The following APLP2 variants were observed in gnomAD, a reference collection of about 807,000 sequenced individuals.
The protein encoded by APLP2 is CDEI box-binding protein.
Under a neutral mutation model 89.9 loss-of-function variants are expected in APLP2, and 53 were observed. That is an observed-to-expected ratio of 0.59 (90% CI 0.47 to 0.74). The LOEUF is 0.74. Among genes scored for constraint, APLP2 ranks in the 30% least tolerant of loss-of-function variants. APLP2 has a pLI of 0.00. For missense variants in APLP2, 973 were observed against 975.9 expected, an observed-to-expected ratio of 1.00 and a Z score of 0.04; for synonymous variants, 372 against 348.6, an observed-to-expected ratio of 1.07 and a Z score of -0.75.
At chr11:130,129,702 T>G (rs1171958681) in intron 10 of APLP2, among the ~76,000 whole-genome samples, 1 of 152,192 alleles carries the variant, frequency 6.6e-6, no homozygotes, top group African/African-American at 2.4e-5. Context: ...CCGGTTAAAG[T>G]CTTCTCTCTT....
chr11:130,135,668 C>G lies in APLP2; in HGVS notation c.1790C>G (p.Pro597Arg). Residue 597 changes from proline (P) to arginine (R), a missense_variant, in exon 13 of 17, where the codon CCA (proline) becomes CGA (arginine). Physicochemically the swap from Pro to Arg is moderately radical, Grantham distance 103. Transcript: ENST00000338167. The stretch of plus-strand genomic sequence containing the variant: ...AGCTCTGAGGAGAGTGAGGAGATCC[C>G]ACCGTTCCACCCCTTCCACCCCTTC... ...RVSSEESEEI[P>R]PFHPFHPFPA... The G allele has an allele frequency of 5.0e-6, 8 of 1,614,138 alleles. No homozygotes were observed. Among genetic ancestry groups the G allele is most frequent in the Non-Finnish European group, 6.8e-6 (8 of 1,180,014 alleles).
chr11:130,123,177 A>G lies in APLP2; in HGVS notation c.923-435A>G, dbSNP rs1385383564. On this transcript the variant is annotated intron_variant, in intron 6 of 16. Coordinates refer to ENST00000338167, the MANE Select transcript of APLP2 (RefSeq NM_001142276.2). This position sits in a 1 kb window ranked among gnomAD's most constrained non-coding sequence, Gnocchi z 4.0. Reference sequence around the variant, plus strand: ...AAGTTTGTGATTTGCCTTAGAGAACATAAAAGTGGGAAACAATTGTCCGTT... The same window carrying G: ...AAGTTTGTGATTTGCCTTAGAGAACGTAAAAGTGGGAAACAATTGTCCGTT... Among the ~76,000 whole-genome samples, 2 of 152,200 alleles carry G rather than the reference A, an allele frequency of 1.3e-5. No individual in the cohort carries two copies. The highest frequency in any genetic ancestry group is 2.4e-5 in the African/African-American group (1 of 41,448).
intron 3 of APLP2, among the ~76,000 whole-genome samples, chr11:130,116,425 A>G (rs1949168739): frequency 6.6e-6 from 1 of 152,206 alleles, no homozygotes; most frequent in East Asian, 1.9e-4. Context: ...TTTTGATATT[A>G]ATAACACTAA....
intron 1 of APLP2, among the ~76,000 whole-genome samples, chr11:130,077,754 A>G (rs912856357): frequency 7.2e-5 from 11 of 152,242 alleles, no homozygotes; most frequent in African/African-American, 2.7e-4. Context: ...GGCTGTTATT[A>G]GAGTTGTAAC....
At chr11:130,086,011 A>G (rs1290080987) in intron 1 of APLP2, among the ~76,000 whole-genome samples, 2 of 152,206 alleles carry the variant, frequency 1.3e-5, no homozygotes, top group African/African-American at 4.8e-5. Flanking sequence ...ATTGGCGTAC[A>G]TGTAGATATG....
At chr11:130,140,056 G>T (rs957020839) in intron 13 of APLP2, among the ~76,000 whole-genome samples, 1 of 152,168 alleles carries the variant, frequency 6.6e-6, no homozygotes, top group Non-Finnish European at 1.5e-5. Context: ...TTTCTCCTAC[G>T]ATGGTGTGTA....
intron 1 of APLP2, among the ~76,000 whole-genome samples, chr11:130,106,773 C>G (rs1430492432): frequency 6.6e-6 from 1 of 152,084 alleles, no homozygotes; most frequent in Non-Finnish European, 1.5e-5. Flanking sequence ...ACTGCAACCT[C>G]TGCCTCCCGG....
At chr11:130,077,612 TA>T (rs573298331) in intron 1 of APLP2, among the ~76,000 whole-genome samples, 21 of 144,992 alleles carry the variant, frequency 1.4e-4, no homozygotes, top group Admixed American at 2.1e-4. Flanking sequence ...GTTTTAGCCT[TA>T]AAAAAAAAAA....
chr11:130,082,372 CG>C (rs199647566), intron 1 of APLP2: 7,705 of 152,224 alleles, frequency 0.051, 522 homozygotes, highest in East Asian at 0.24. Context: ...TTAGTAGAGA[CG>C]GGGTTTCACC....
chr11:130,073,894 A>G (rs1941626021), intron 1 of APLP2, among the ~76,000 whole-genome samples: 1 of 152,090 alleles, frequency 6.6e-6, no homozygotes, highest in African/African-American at 2.4e-5. Flanking sequence ...AAATTGTACA[A>G]TTTTCTTACC....
chr11:130,084,999 G>T (rs894339610), intron 1 of APLP2, among the ~76,000 whole-genome samples: 2 of 152,266 alleles, frequency 1.3e-5, no homozygotes, highest in Non-Finnish European at 2.9e-5. Flanking sequence ...AAAAAGTATC[G>T]TGAGACTATT....
At chr11:130,093,182 G>A (rs1055130677) in intron 1 of APLP2, among the ~76,000 whole-genome samples, 3 of 152,190 alleles carry the variant, frequency 2.0e-5, no homozygotes, top group African/African-American at 4.8e-5. Flanking sequence ...GGCAAAGGCC[G>A]CTCTTGACCT....
At chr11:130,072,569 C>T (rs1438116707) in intron 1 of APLP2, among the ~76,000 whole-genome samples, 1 of 151,284 alleles carries the variant, frequency 6.6e-6, no homozygotes, top group African/African-American at 2.4e-5. Context: ...TTCCGCCTTC[C>T]GAGTTCAAGC....
In APLP2 at chr11:130,142,084, T is replaced by C. The variant is rs371367734; in HGVS notation, c.2154+10T>C. On this transcript the variant is annotated intron_variant, in intron 16 of 16. Coordinates refer to ENST00000338167, the MANE Select transcript of APLP2 (RefSeq NM_001142276.2). ...CCACGGGATCGTGGAGGTGAGGAGCTGGGCTGCTGAGGGCCTGCTCTGCAC... is the reference window on the plus strand; with the variant it reads ...CCACGGGATCGTGGAGGTGAGGAGCCGGGCTGCTGAGGGCCTGCTCTGCAC... 98 of 1,609,114 alleles carry C rather than the reference T, an allele frequency of 6.1e-5. No homozygotes were observed. In the East Asian group the frequency reaches 1.9e-3, roughly 31 times the overall value.
Position 130,070,034 on chromosome 11 carries a change from G to T in APLP2, c.57G>T (p.Leu19=), listed in dbSNP as rs529271408. ...AAATGRLLLL[L]LVGLTAPALA... is the part of the protein sequence containing the mutation. ...CCACGGGCAGGCTCCTGCTTCTGCT[G>T]CTGGTGGGGCTCACGGCGCCTGCCT... Residue 19 remains leucine, a synonymous_variant, in exon 1 of 17, where the codon CTG becomes CTT. Transcript: ENST00000338167. The T allele has an allele frequency of 6.6e-7, 1 of 1,513,706 alleles. No individual in the cohort carries two copies. The allele number at this position is 1,513,706 out of a possible 1,614,324, so 93.8% of individuals were successfully genotyped here.
At chr11:130,084,649 C>T (rs1026547552) in intron 1 of APLP2, among the ~76,000 whole-genome samples, 1 of 151,564 alleles carries the variant, frequency 6.6e-6, no homozygotes, top group African/African-American at 2.4e-5. Flanking sequence ...GAAAACACAA[C>T]ATACCAAAAC....
rs145698694 is a variant in APLP2 at position 130,118,712 on chromosome 11, C to G, written c.404-1994C>G. ...TTCTAGCTTACTGTTGGTATTTTTG[C>G]TATTTTTAAGCAATGCTTTTAAGTC... On this transcript the variant is annotated intron_variant, in intron 3 of 16. Transcript: ENST00000338167. Among the ~76,000 whole-genome samples, 135 of 152,256 alleles carry G rather than the reference C, an allele frequency of 8.9e-4. 1 individual carries two copies. Among genetic ancestry groups the G allele is most frequent in the Non-Finnish European group, 1.8e-3 (121 of 68,028 alleles).
chr11:130,078,322 T>C (rs868146616), intron 1 of APLP2, among the ~76,000 whole-genome samples: 1 of 152,212 alleles, frequency 6.6e-6, no homozygotes, highest in Non-Finnish European at 1.5e-5. Flanking sequence ...ATTATATGAA[T>C]AAACCACGCA....
At chr11:130,088,979 C>T (rs781054358) in intron 1 of APLP2, among the ~76,000 whole-genome samples, 20 of 152,002 alleles carry the variant, frequency 1.3e-4, no homozygotes, top group Non-Finnish European at 2.5e-4. Flanking sequence ...ACAAAAAACG[C>T]GGCACTTGGT....
Sources: allele counts gnomAD v4.1 joint callset (sites outside exome capture counted in the v4.1 genomes callset), GRCh38; gene constraint gnomAD v4.1.1; non-coding constraint Gnocchi (gnomAD v3.1); transcripts MANE v1.5; gene names NCBI Gene and HGNC (gene_info 2026-07-23, HGNC 2026-07-21).